Variants in OSTF1 observed in about 807,000 individuals in gnomAD.
OSTF1 encodes osteoclast stimulating factor 1.
Under a neutral mutation model 37.2 loss-of-function variants are expected in OSTF1, and 27 were observed. The ratio of observed to expected loss-of-function variants is 0.73; its 90% CI spans 0.54 to 1.00. The LOEUF is 1.00. Ranked by LOEUF, OSTF1 falls within the 50% of genes least tolerant of loss-of-function variation. OSTF1 has a pLI of 0.00. For missense variants in OSTF1, 232 were observed against 253.8 expected, an observed-to-expected ratio of 0.91 and a Z score of 0.58; for synonymous variants, 82 against 89.2, an observed-to-expected ratio of 0.92 and a Z score of 0.46.
chr9:75,135,359 T>G (rs2118602704), intron 7 of OSTF1, among the ~76,000 whole-genome samples: 1 of 152,342 alleles, frequency 6.6e-6, no homozygotes, highest in Admixed American at 6.5e-5. Context: ...GCTAAGAGTA[T>G]TTACTTTATT....
chr9:75,127,551 CTTTTT>C lies in OSTF1; in HGVS notation c.82-12_82-8del, dbSNP rs747390671. The stretch of plus-strand genomic sequence containing the variant: ...TCATGAAAAATCACATGGAGTCAAA[CTTTTT>C]TTTTTCTTCTAGCCAGATGAATTAT... On this transcript the variant is annotated splice_polypyrimidine_tract_variant and intron_variant, in intron 2 of 9. Coordinates refer to ENST00000346234, the MANE Select transcript of OSTF1 (RefSeq NM_012383.5). The C allele has an allele frequency of 2.1e-6, 3 of 1,398,980 alleles. No individual in the cohort carries two copies. The highest frequency in any genetic ancestry group is 2.9e-6 in the Non-Finnish European group (3 of 1,023,094). The allele number at this position is 1,398,980 out of a possible 1,614,324, so 86.7% of individuals were successfully genotyped here. A position where few individuals can be genotyped will look rare whatever the true frequency, so the allele number is the denominator to read the frequency against.
intron 1 of OSTF1, among the ~76,000 whole-genome samples, chr9:75,089,143 G>C (rs1321061644): frequency 6.6e-6 from 1 of 151,932 alleles, no homozygotes; most frequent in East Asian, 1.9e-4. Context: ...GTTCCTGACC[G>C]GCCAGAGCGA....
At chr9:75,146,574 G>T (rs982820397) in intron 9 of OSTF1, 109 bp from the exon 10 acceptor site, 22 of 751,752 alleles carry the variant, frequency 2.9e-5, no homozygotes, top group African/African-American at 8.9e-5. Flanking sequence ...ACAATCCCTG[G>T]GTCAGATGGA....
intron 2 of OSTF1, among the ~76,000 whole-genome samples, chr9:75,119,685 C>T (rs904707868): frequency 3.9e-5 from 6 of 152,044 alleles, no homozygotes; most frequent in Non-Finnish European, 7.4e-5. Context: ...AGATGTGAGT[C>T]GCTGGGCACG....
chr9:75,146,956 G>T lies in OSTF1; in HGVS notation c.*215G>T. 1 of 310,808 alleles carries T rather than the reference G, an allele frequency of 3.2e-6. No homozygotes were observed. Among genetic ancestry groups the T allele is most frequent in the Non-Finnish European group, 5.8e-6 (1 of 172,228 alleles). The allele number at this position is 310,808 out of a possible 1,614,324, so 19.3% of individuals were successfully genotyped here. ...TGGCACATTTATGTTCACCAAAGTA[G>T]AACAAGAAGATATTATTTCTATTTA... On this transcript the variant is annotated 3_prime_UTR_variant, in exon 10 of 10. Transcript: ENST00000346234.
chr9:75,145,157 A>C (rs1826001231), intron 9 of OSTF1, among the ~76,000 whole-genome samples: 1 of 65,430 alleles, frequency 1.5e-5, no homozygotes, highest in African/African-American at 9.2e-5. Flanking sequence ...CTATCTATCT[A>C]TCTACCTATC....
Position 75,133,385 on chromosome 9 carries a change from C to G in OSTF1, c.342C>G (p.Cys114Trp). Residue 114 changes from cysteine to tryptophan, a missense_variant, in exon 6 of 10, where the codon TGC (cysteine) becomes TGG (tryptophan). Physicochemically the swap from Cys to Trp is radical, Grantham distance 215. Transcript: ENST00000346234. ...GAAGCACTGCCTTATACTGGGCTTG[C>G]CACGGGGGCCACAAAGGTATTACAT... ...KAGSTALYWA[C>W]HGGHKDIVEM... is the part of the protein sequence containing the mutation. 1 of 1,596,850 alleles carries G rather than the reference C, an allele frequency of 6.3e-7. No homozygotes were observed. The highest frequency in any genetic ancestry group is 8.6e-7 in the Non-Finnish European group (1 of 1,165,136).
At chr9:75,111,778 C>T (rs1825392393) in intron 1 of OSTF1, among the ~76,000 whole-genome samples, 1 of 134,656 alleles carries the variant, frequency 7.4e-6, no homozygotes, top group Non-Finnish European at 1.6e-5. Context: ...TTGATCAGTA[C>T]TTCCTCTTGG....
chr9:75,099,830 GA>G (rs34177782), intron 1 of OSTF1, among the ~76,000 whole-genome samples: 10 of 143,574 alleles, frequency 7.0e-5, no homozygotes, highest in Non-Finnish European at 1.1e-4. Flanking sequence ...CTCTGTTTCA[GA>G]AAAAAAAAAA....
chr9:75,133,147 A>C (rs1564167257), intron 5 of OSTF1, 147 bp from the exon 6 acceptor site: 1 of 568,008 alleles, frequency 1.8e-6, no homozygotes, highest in Non-Finnish European at 3.2e-6. Context: ...GTACCATAAT[A>C]AATGCATTAA....
At chr9:75,131,870 A>G in intron 5 of OSTF1, 47 bp downstream of exon 5, 2 of 1,411,418 alleles carry the variant, frequency 1.4e-6, no homozygotes, top group Non-Finnish European at 2.0e-6. Context: ...AGTAAAAGGC[A>G]CGGATTTCAA....
Position 75,088,643 on chromosome 9 carries a change from C to A in OSTF1, c.-50C>A. 1 of 1,585,630 alleles carries A rather than the reference C, an allele frequency of 6.3e-7. No homozygotes were observed. The highest frequency in any genetic ancestry group is 8.6e-7 in the Non-Finnish European group (1 of 1,163,516). ...CCCGGAGTGCCAGGTGGCGGGCAAG[C>A]GGTGGGCTTTTCGGCGGGGTCTTTA... On this transcript the variant is annotated 5_prime_UTR_variant, in exon 1 of 10. Coordinates refer to ENST00000346234, the MANE Select transcript of OSTF1 (RefSeq NM_012383.5).
At chr9:75,113,428 T>C (rs1280852975) in intron 1 of OSTF1, among the ~76,000 whole-genome samples, 4 of 151,990 alleles carry the variant, frequency 2.6e-5, no homozygotes. Flanking sequence ...TGGTTCTGTC[T>C]GCAATATTCT....
chr9:75,121,226 G>T (rs1248461104), intron 2 of OSTF1, among the ~76,000 whole-genome samples: 1 of 152,154 alleles, frequency 6.6e-6, no homozygotes, highest in Admixed American at 6.6e-5. Flanking sequence ...TACTATTAAG[G>T]AGTAATTGTT....
chr9:75,116,415 G>T (rs962708741), intron 1 of OSTF1, among the ~76,000 whole-genome samples: 3 of 152,120 alleles, frequency 2.0e-5, no homozygotes, highest in Non-Finnish European at 4.4e-5. Flanking sequence ...GACCAAGTTA[G>T]AGTTCCTGCC....
At chr9:75,112,833 T>G (rs1825415368) in intron 1 of OSTF1, among the ~76,000 whole-genome samples, 1 of 152,220 alleles carries the variant, frequency 6.6e-6, no homozygotes, top group African/African-American at 2.4e-5. Flanking sequence ...AACAAGAAAG[T>G]TCTATCGTTA....
intron 2 of OSTF1, among the ~76,000 whole-genome samples, chr9:75,123,932 C>A (rs1242872892): frequency 6.6e-6 from 1 of 152,142 alleles, no homozygotes; most frequent in Non-Finnish European, 1.5e-5. Context: ...TGAACGGCAG[C>A]CATTAATTCA....
intron 2 of OSTF1, among the ~76,000 whole-genome samples, chr9:75,118,957 T>C (rs1260886383): frequency 2.0e-5 from 3 of 152,170 alleles, no homozygotes; most frequent in Non-Finnish European, 4.4e-5. Context: ...CTCTCATATA[T>C]GCTAGGGACC....
intron 1 of OSTF1, among the ~76,000 whole-genome samples, chr9:75,111,811 C>CT (rs535464490): frequency 0.021 from 1,074 of 52,154 alleles, 263 homozygotes; most frequent in Non-Finnish European, 0.025. Flanking sequence ...ATGTTTACTG[C>CT]TTTTTTTTTT....
Sources: allele counts gnomAD v4.1 joint callset (sites outside exome capture counted in the v4.1 genomes callset), GRCh38; gene constraint gnomAD v4.1.1; transcripts MANE v1.5; gene names NCBI Gene and HGNC (gene_info 2026-07-23, HGNC 2026-07-21).